TMEM221: variants seen among roughly 807,000 people sequenced by gnomAD.
TMEM221 encodes Putative transmembrane protein ENSP00000342162.
A neutral mutation model predicts 10.2 loss-of-function variants in TMEM221; 11 were observed. The ratio of observed to expected loss-of-function variants is 1.08; its 90% CI spans 0.68 to 1.79. The LOEUF is 1.79. Among genes scored for constraint, TMEM221 ranks in the 40% most tolerant of loss-of-function variants. TMEM221 has a pLI of 0.00. For synonymous variants in TMEM221, 172 were observed against 199.8 expected, an observed-to-expected ratio of 0.86 and a Z score of 1.18; for missense variants, 382 against 417.7, an observed-to-expected ratio of 0.91 and a Z score of 0.75.
intron 2 of TMEM221, among the ~76,000 whole-genome samples, chr19:17,444,623 G>T (rs2074945091): frequency 7.0e-6 from 1 of 143,050 alleles, no homozygotes; most frequent in Non-Finnish European, 1.5e-5. Context: ...CAACCTTCGG[G>T]CTCAAGTGAT....
rs2074960204 is a variant in TMEM221, at chr19:17,448,236, G to A, written c.227C>T (p.Ala76Val). 1.5e-6 allele frequency: 2 copies of A among 1,319,978 alleles called. No individual in the cohort carries two copies. Among genetic ancestry groups the A allele is most frequent in the African/African-American group, 3.1e-5 (2 of 64,882 alleles). 81.8% of individuals were successfully genotyped at this position (1,319,978 alleles called of 1,614,324 possible). A position where few individuals can be genotyped will look rare whatever the true frequency, so the allele number is the denominator to read the frequency against. Residue 76 changes from alanine to valine, a missense_variant, in exon 1 of 3, where the codon GCG (alanine) becomes GTG (valine). Transcript: ENST00000341130. This position sits in a 1 kb window ranked among gnomAD's most constrained non-coding sequence, Gnocchi z 4.7. ...TLLPLAAALA[A>V]LVLVLGFTCL... ...GGTGAACCCCAGCACGAGCACCAGC[G>A]CGGCCAGCGCGGCGGCCAGCGGCAG...
At position 17,446,919 on chromosome 19, in the gene TMEM221, A is replaced by G. The variant is rs201183045; in HGVS notation, c.320+1224T>C. ...GCTAATTATTATTTTTTCTTTTTGT[A>G]GAGGCAAGGTCTTGCTATATTACCC... On this transcript the variant is annotated intron_variant, in intron 1 of 2. Coordinates refer to ENST00000341130, the MANE Select transcript of TMEM221 (RefSeq NM_001190844.2). Among the ~76,000 whole-genome samples, 27 of 152,058 alleles carry G rather than the reference A, an allele frequency of 1.8e-4. No homozygotes were observed. The East Asian group carries it at 4.6e-3, about 26-fold the overall frequency.
intron 2 of TMEM221, among the ~76,000 whole-genome samples, chr19:17,437,427 A>C (rs541441832): frequency 6.6e-6 from 1 of 152,314 alleles, no homozygotes; most frequent in South Asian, 2.1e-4. Flanking sequence ...GAGGCTCAGA[A>C]AAAAGCAAAA....
At chr19:17,445,543 C>T (rs1439608995) in intron 1 of TMEM221, among the ~76,000 whole-genome samples, 2 of 152,156 alleles carry the variant, frequency 1.3e-5, no homozygotes, top group Admixed American at 1.3e-4. Context: ...TCTATCCACC[C>T]ATTTATCCAT....
In TMEM221 at chr19:17,448,156, G is replaced by T; in HGVS notation, c.307C>A (p.Pro103Thr). Residue 103 changes from proline (P) to threonine (T), a missense_variant, in exon 1 of 3, where the codon CCT becomes ACT. Pro to Thr is a conservative substitution (Grantham distance 38). Coordinates refer to ENST00000341130, the MANE Select transcript of TMEM221 (RefSeq NM_001190844.2). The surrounding 1 kb of genome is among the most constrained non-coding windows in gnomAD (Gnocchi z 4.7). Reference protein sequence around the residue: ...GHLGAELARGPGPRRSDWFLY... With the variant: ...GHLGAELARGTGPRRSDWFLY... ...CAGTCCTCCTACCTCCTGGGGCCAG[G>T]CCCCCGCGCCAGCTCGGCGCCCAGG... The T allele has an allele frequency of 7.1e-7, 1 of 1,418,384 alleles. No homozygotes were observed. The allele number at this position is 1,418,384 out of a possible 1,614,324, so 87.9% of individuals were successfully genotyped here. A position where few individuals can be genotyped will look rare whatever the true frequency, so the allele number is the denominator to read the frequency against.
intron 2 of TMEM221, among the ~76,000 whole-genome samples, chr19:17,442,333 C>T (rs1486297851): frequency 6.6e-6 from 1 of 152,020 alleles, no homozygotes; most frequent in Non-Finnish European, 1.5e-5. Flanking sequence ...TCTCGGCTCA[C>T]TGCAACCTCC....
chr19:17,445,379 G>T, intron 1 of TMEM221, 95 bp from the exon 2 acceptor site: 1 of 1,030,056 alleles, frequency 9.7e-7, no homozygotes, highest in Non-Finnish European at 1.4e-6. Flanking sequence ...GCTTAAATGA[G>T]ACAAGGACCC....
rs1226317580 is a variant in TMEM221, at chr19:17,435,748, G to C, written c.*710C>G. 5 of 152,376 alleles carry C rather than the reference G, an allele frequency of 3.3e-5. No individual in the cohort carries two copies. The highest frequency in any genetic ancestry group is 1.3e-4 in the Admixed American group (2 of 15,270). 9.4% of individuals were successfully genotyped at this position (152,376 alleles called of 1,614,324 possible). On this transcript the variant is annotated 3_prime_UTR_variant, in exon 3 of 3. Coordinates refer to ENST00000341130, the MANE Select transcript of TMEM221 (RefSeq NM_001190844.2). ...GGCCACTTCGTGTCCCCATATTACA[G>C]ATGAGGAAACTGAGGCACAAAGCAG...
At position 17,435,637 on chromosome 19, in the gene TMEM221, T is replaced by C. The variant is rs951245116; in HGVS notation, c.*821A>G. 1 of 152,232 alleles carries C rather than the reference T, an allele frequency of 6.6e-6. No homozygotes were observed. Among genetic ancestry groups the C allele is most frequent in the Non-Finnish European group, 1.5e-5 (1 of 68,088 alleles). The allele number at this position is 152,232 out of a possible 1,614,324, so 9.4% of individuals were successfully genotyped here. On this transcript the variant is annotated 3_prime_UTR_variant, in exon 3 of 3. Transcript: ENST00000341130. ...AAAAGCAGCAGCAGCATGAGAACGA[T>C]TAACACACATTGAGGACCTATTGTG...
chr19:17,441,032 AC>A (rs2074929823), intron 2 of TMEM221, among the ~76,000 whole-genome samples: 1 of 151,824 alleles, frequency 6.6e-6, no homozygotes, highest in Non-Finnish European at 1.5e-5. Context: ...ACATGATGAA[AC>A]CCCGTCTCTG....
At chr19:17,442,829 C>T (rs1374011321) in intron 2 of TMEM221, among the ~76,000 whole-genome samples, 1 of 151,878 alleles carries the variant, frequency 6.6e-6, no homozygotes, top group Non-Finnish European at 1.5e-5. Flanking sequence ...ACAAGTCATC[C>T]ATCCCTTCTC....
At position 17,444,071 on chromosome 19, in the gene TMEM221, C is replaced by CTTT. The variant is rs67270566; in HGVS notation, c.406+1125_406+1127dup. On this transcript the variant is annotated intron_variant, in intron 2 of 2. Coordinates refer to ENST00000341130, the MANE Select transcript of TMEM221 (RefSeq NM_001190844.2). Reference sequence around the variant, plus strand: ...CTCATTCCAACCTGTAAAATGCTATCTTTTTTTTTTTTTTTTTTTTTTTTT... The same window carrying CTTT: ...CTCATTCCAACCTGTAAAATGCTATCTTTTTTTTTTTTTTTTTTTTTTTTTTTT... 7.3e-4 allele frequency among the ~76,000 whole-genome samples: 41 copies of CTTT among 56,290 alleles called. 1 individual carries two copies. The highest frequency in any genetic ancestry group is 2.4e-3 in the African/African-American group (33 of 13,578). The allele number at this position is 56,290 out of a possible 152,430, so 36.9% of individuals were successfully genotyped here.
At chr19:17,437,130 G>A (rs1389419241) in intron 2 of TMEM221, among the ~76,000 whole-genome samples, 2 of 152,196 alleles carry the variant, frequency 1.3e-5, no homozygotes, top group Non-Finnish European at 2.9e-5. Context: ...GCCCAGAGAG[G>A]TTAGGGGACT....
chr19:17,442,847 T>TA (rs371852529), intron 2 of TMEM221, among the ~76,000 whole-genome samples: 2,750 of 150,200 alleles, frequency 0.018, 87 homozygotes, highest in African/African-American at 0.064. Context: ...CTCCTTTTTT[T>TA]AAAAAAAAAA....
At chr19:17,440,854 G>T (rs1216310692) in intron 2 of TMEM221, among the ~76,000 whole-genome samples, 2 of 152,124 alleles carry the variant, frequency 1.3e-5, no homozygotes, top group Non-Finnish European at 2.9e-5. Flanking sequence ...CCCCAGGCTT[G>T]GGGGGCATTG....
intron 2 of TMEM221, among the ~76,000 whole-genome samples, chr19:17,443,631 C>T (rs1012932907): frequency 6.6e-6 from 1 of 151,766 alleles, no homozygotes; most frequent in African/African-American, 2.4e-5. Context: ...CCACCGCGCC[C>T]GGCCTAAATA....
chr19:17,444,909 T>G (rs2074947064), intron 2 of TMEM221: 1 of 173,668 alleles, frequency 5.8e-6, no homozygotes, highest in South Asian at 1.6e-4. Flanking sequence ...TCTCCCATAT[T>G]GCTGGGATTA....
At position 17,448,534 on chromosome 19, in the gene TMEM221, G is replaced by T; in HGVS notation, c.-72C>A. 1 of 1,240,876 alleles carries T rather than the reference G, an allele frequency of 8.1e-7. No individual in the cohort carries two copies. 76.9% of individuals were successfully genotyped at this position (1,240,876 alleles called of 1,614,324 possible). Reference sequence around the variant, plus strand: ...GTTTTAGAGGGCAGGGGAGTTGGGGGGAATCCGAGGGTCCTCAGGGGGTCC... The same window carrying T: ...GTTTTAGAGGGCAGGGGAGTTGGGGTGAATCCGAGGGTCCTCAGGGGGTCC... On this transcript the variant is annotated 5_prime_UTR_variant, in exon 1 of 3. Coordinates refer to ENST00000341130, the MANE Select transcript of TMEM221 (RefSeq NM_001190844.2). This position sits in a 1 kb window ranked among gnomAD's most constrained non-coding sequence, Gnocchi z 4.7.
chr19:17,436,507 A>G lies in TMEM221; in HGVS notation c.827T>C (p.Met276Thr). ...CATGCTCCCTGGTCTGTGGCCCAGC[A>G]TTCGACGCATCTCGTGCGTAACCCC... Reference protein sequence around the residue: ...WDGVTHEMRRMLGHRPGSMGK... With the variant: ...WDGVTHEMRRTLGHRPGSMGK... The change falls in exon 3 of 3, where the codon ATG (methionine) becomes ACG (threonine). Residue 276 changes from methionine (M) to threonine (T), a missense_variant. Transcript: ENST00000341130. 1 of 1,534,690 alleles carries G rather than the reference A, an allele frequency of 6.5e-7. No homozygotes were observed. Among genetic ancestry groups the G allele is most frequent in the Non-Finnish European group, 8.7e-7 (1 of 1,145,956 alleles).
Sources: allele counts gnomAD v4.1 joint callset (sites outside exome capture counted in the v4.1 genomes callset), GRCh38; gene constraint gnomAD v4.1.1; non-coding constraint Gnocchi (gnomAD v3.1); transcripts MANE v1.5; gene names NCBI Gene and HGNC (gene_info 2026-07-23, HGNC 2026-07-21).